Variants in KLC1 observed in about 807,000 individuals in gnomAD.
The protein encoded by KLC1 is kinesin light chain 1.
KLC1 carries 30 observed loss-of-function variants against 84.2 expected under a neutral mutation model. The observed-to-expected ratio is 0.36, with a 90% CI of 0.27 to 0.48. The LOEUF (loss-of-function observed/expected upper bound fraction) is 0.48, where lower values mean the gene tolerates loss of function less well. Among genes scored for constraint, KLC1 ranks in the 20% least tolerant of loss-of-function variants. The pLI is 0.99. For missense variants in KLC1, 499 were observed against 805.4 expected (o/e 0.62, Z 4.60); for synonymous variants, 289 against 293.3 (o/e 0.99, Z 0.15).
chr14:103,695,286 C>T (rs1048528540), intron 15 of KLC1: 14 of 665,992 alleles, frequency 2.1e-5, no homozygotes, highest in Non-Finnish European at 2.0e-5. Context: ...CACAGCGAGT[C>T]CCTGTGTCTA....
In KLC1 at chr14:103,662,153, A is replaced by G. The variant is rs778135920; in HGVS notation, c.530A>G (p.Asp177Gly). 1.7e-5 allele frequency: 28 copies of G among 1,613,902 alleles called. No homozygotes were observed. The highest frequency in any genetic ancestry group is 2.3e-5 in the Non-Finnish European group (27 of 1,179,932). ...KDTDSTKEPL[D>G]DLFPNDEDDP... Reference sequence around the variant, plus strand: ...ACTGATTCTACCAAAGAGCCTCTGGATGACCTTTTCCCCAATGATGAAGAC... The same window carrying G: ...ACTGATTCTACCAAAGAGCCTCTGGGTGACCTTTTCCCCAATGATGAAGAC... Residue 177 changes from aspartate to glycine, a missense_variant, in exon 4 of 17, where the codon GAT (aspartate) becomes GGT (glycine). Coordinates refer to ENST00000334553, the MANE Select transcript of KLC1 (RefSeq NM_001394837.1).
chr14:103,633,160 T>C (rs953683480), intron 1 of KLC1, among the ~76,000 whole-genome samples: 1 of 151,466 alleles, frequency 6.6e-6, no homozygotes, highest in African/African-American at 2.4e-5. Context: ...CAGGTTCAAG[T>C]GATTCTCCTG....
intron 9 of KLC1, among the ~76,000 whole-genome samples, chr14:103,674,042 A>G (rs1165771934): frequency 6.6e-6 from 1 of 152,134 alleles, no homozygotes. Context: ...AGAGACCTAT[A>G]CAGTTCACGC....
At chr14:103,673,806 C>T (rs909288979) in intron 9 of KLC1, among the ~76,000 whole-genome samples, 1 of 152,074 alleles carries the variant, frequency 6.6e-6, no homozygotes, top group Non-Finnish European at 1.5e-5. Flanking sequence ...GCCTGTAGTC[C>T]CAGCTACTCG....
intron 2 of KLC1, 35 bp from the exon 3 acceptor site, chr14:103,657,510 CG>C (rs749054862): frequency 1.3e-6 from 2 of 1,555,840 alleles, no homozygotes; most frequent in Admixed American, 3.4e-5. Flanking sequence ...TGCTGGACAA[CG>C]TGCCACAGTG....
intron 7 of KLC1, among the ~76,000 whole-genome samples, chr14:103,671,359 G>T (rs917171643): frequency 6.6e-6 from 1 of 151,970 alleles, no homozygotes; most frequent in African/African-American, 2.4e-5. Flanking sequence ...TATCCGATGA[G>T]TGACCACAAA....
At chr14:103,699,414 G>A (rs1413107447) in intron 15 of KLC1, 1 of 1,612,618 alleles carries the variant, frequency 6.2e-7, no homozygotes, top group Non-Finnish European at 8.5e-7. Context: ...AGCTCACGCA[G>A]CGTGGCCCCC....
At chr14:103,696,103 C>G (rs952817437) in intron 15 of KLC1, 8 of 521,136 alleles carry the variant, frequency 1.5e-5, no homozygotes, top group African/African-American at 2.4e-5. Context: ...CCCCCGCCCC[C>G]CGCCCCCCCC....
intron 5 of KLC1, among the ~76,000 whole-genome samples, chr14:103,666,816 G>T (rs148697652): frequency 1.5e-5 from 2 of 130,944 alleles, no homozygotes; most frequent in African/African-American, 5.8e-5. Flanking sequence ...TTGCTCTGTC[G>T]CCCGGGCTGG....
At chr14:103,680,099 G>A (rs2081225431) in intron 13 of KLC1, among the ~76,000 whole-genome samples, 3 of 152,238 alleles carry the variant, frequency 2.0e-5, no homozygotes, top group South Asian at 4.1e-4. Flanking sequence ...AGATCTTTGG[G>A]GCTGGCTCTT....
intron 1 of KLC1, among the ~76,000 whole-genome samples, chr14:103,629,961 C>T (rs1248026973): frequency 6.6e-6 from 1 of 152,082 alleles, no homozygotes; most frequent in East Asian, 1.9e-4. Flanking sequence ...GCGGGGCTGG[C>T]TTTGTCCGAT....
At chr14:103,696,143 C>G in intron 15 of KLC1, 2 of 983,074 alleles carry the variant, frequency 2.0e-6, no homozygotes, top group Non-Finnish European at 2.4e-6. Context: ...GCGCCCGTCC[C>G]CAGCAACCAT....
chr14:103,656,750 A>G (rs1462443501), intron 2 of KLC1, among the ~76,000 whole-genome samples: 1 of 152,264 alleles, frequency 6.6e-6, no homozygotes. Context: ...AGAGTTTTAA[A>G]AAAAGAAGGA....
chr14:103,687,104 C>G lies in KLC1; in HGVS notation c.1674C>G (p.Arg558=). Residue 558 remains arginine, a synonymous_variant, in exon 14 of 17, where the codon CGC becomes CGG. Transcript: ENST00000334553. The part of the protein sequence containing the change: ...WNGDGTGSLK[R]SGSFSKLRAS... The stretch of plus-strand genomic sequence containing the variant: ...AGGATGGCACTGGATCTTTAAAACG[C>G]AGTGGTTCCTTTAGCAAACTCCGGG... 1 of 1,544,606 alleles carries G rather than the reference C, an allele frequency of 6.5e-7. No individual in the cohort carries two copies. The highest frequency in any genetic ancestry group is 1.4e-5 in the African/African-American group (1 of 73,042).
At chr14:103,673,706 G>A (rs1414054185) in intron 9 of KLC1, among the ~76,000 whole-genome samples, 2 of 152,070 alleles carry the variant, frequency 1.3e-5, no homozygotes, top group Admixed American at 6.5e-5. Flanking sequence ...GGTGGATCAC[G>A]AGGTCAGGCG....
intron 1 of KLC1, among the ~76,000 whole-genome samples, chr14:103,632,832 G>A (rs78849908): frequency 0.017 from 2,613 of 152,210 alleles, 65 homozygotes; most frequent in African/African-American, 0.055. Flanking sequence ...CTGAGGAGGC[G>A]ATTCTTCACA....
At chr14:103,629,778 G>A (rs1280000167) in intron 1 of KLC1, among the ~76,000 whole-genome samples, 2 of 151,898 alleles carry the variant, frequency 1.3e-5, no homozygotes, top group Non-Finnish European at 2.9e-5. Context: ...GCGTCCCACT[G>A]CAGGTTCCGG....
At chr14:103,630,050 GGC>G (rs1051357388) in intron 1 of KLC1, among the ~76,000 whole-genome samples, 32 of 152,254 alleles carry the variant, frequency 2.1e-4, no homozygotes, top group Non-Finnish European at 5.9e-5. Context: ...GGCGGCGGGG[GGC>G]CGGGTCCCTC....
chr14:103,698,719 C>T, intron 15 of KLC1: 2 of 1,343,692 alleles, frequency 1.5e-6, no homozygotes, highest in Admixed American at 4.0e-5. Context: ...GTGCCACGGC[C>T]CAGGCAGACG....
Sources: allele counts gnomAD v4.1 joint callset (sites outside exome capture counted in the v4.1 genomes callset), GRCh38; gene constraint gnomAD v4.1.1; transcripts MANE v1.5; gene names NCBI Gene and HGNC (gene_info 2026-07-23, HGNC 2026-07-21).